Variants in SLC24A2 observed in about 807,000 individuals in gnomAD.
The protein encoded by SLC24A2 is solute carrier family 24 member 2.
Under a neutral mutation model 62.0 loss-of-function variants are expected in SLC24A2, and 36 were observed. The ratio of observed to expected loss-of-function variants is 0.58; its 90% confidence interval spans 0.44 to 0.77. SLC24A2 has a LOEUF of 0.77. SLC24A2 is among the 30% of genes least tolerant of loss of function. The pLI is 0.00. For synonymous variants in SLC24A2, 358 were observed against 294.0 expected, an observed-to-expected ratio of 1.22 and a Z score of -2.23; for missense variants, 846 against 817.9, an observed-to-expected ratio of 1.03 and a Z score of -0.42.
chr9:20,169,188 G>A, the SLC24A2 span, among the ~76,000 whole-genome samples: 1 of 151,922 alleles, frequency 6.6e-6, no homozygotes, highest in Non-Finnish European at 1.5e-5. Flanking sequence ...AGATAATCAG[G>A]GGCTGAGAAG....
intron 2 of SLC24A2, among the ~76,000 whole-genome samples, chr9:19,678,969 C>T (rs1819635069): frequency 6.6e-6 from 1 of 152,188 alleles, no homozygotes; most frequent in African/African-American, 2.4e-5. Flanking sequence ...GAAAGTAAAA[C>T]TTATACAACT....
the SLC24A2 span, among the ~76,000 whole-genome samples, chr9:20,160,601 A>G: frequency 2.6e-5 from 4 of 151,390 alleles, no homozygotes; most frequent in Non-Finnish European, 5.9e-5. Context: ...TTAACTATCA[A>G]TTATTAATAA....
chr9:19,511,779 C>G lies in SLC24A2; in HGVS notation c.*4374G>C, dbSNP rs1832725315. 6.6e-6 allele frequency: 1 copy of G among 152,194 alleles called. No individual in the cohort carries two copies. Among genetic ancestry groups the G allele is most frequent in the Admixed American group, 6.5e-5 (1 of 15,274 alleles). The allele number at this position is 152,194 out of a possible 1,614,324, so 9.4% of individuals were successfully genotyped here. A position where few individuals can be genotyped will look rare whatever the true frequency, so the allele number is the denominator to read the frequency against. The stretch of plus-strand genomic sequence containing the variant: ...CAGCTTCACTTTGTTTCTTCTGGAA[C>G]ACAGCTGCCACCTATAATAGGGCCA... On this transcript the variant is annotated 3_prime_UTR_variant, in exon 11 of 11. Transcript: ENST00000341998.
intron 7 of SLC24A2, among the ~76,000 whole-genome samples, chr9:19,562,168 T>C (rs946876452): frequency 1.5e-4 from 23 of 152,216 alleles, no homozygotes; most frequent in African/African-American, 5.3e-4. Flanking sequence ...GTTGTTTTCA[T>C]GGGCTTTGTA....
intron 1 of SLC24A2, chr9:19,788,476 C>A: frequency 1.0e-6 from 1 of 984,052 alleles, no homozygotes; most frequent in Non-Finnish European, 1.2e-6. Context: ...TTGCGTGGTC[C>A]CAAACTTTCC....
chr9:19,576,679 T>C lies in SLC24A2; in HGVS notation c.1228+245A>G, dbSNP rs138733286. On this transcript the variant is annotated intron_variant, in intron 6 of 10. Transcript: ENST00000341998. ...ATGACTAGTTAAGAGATGGTTTTAC[T>C]TCAGGTTCCTCAGAGAATAAATTTA... 3.3e-5 allele frequency among the ~76,000 whole-genome samples: 5 copies of C among 152,330 alleles called. No individual in the cohort carries two copies. In the East Asian group the frequency reaches 7.7e-4, roughly 24 times the overall value.
chr9:19,571,940 C>G (rs1350384797), intron 7 of SLC24A2, among the ~76,000 whole-genome samples: 3 of 152,122 alleles, frequency 2.0e-5, no homozygotes, highest in African/African-American at 7.2e-5. Context: ...CAATTAACTA[C>G]TTCATCTCAC....
At chr9:20,264,543 C>A in the SLC24A2 span, among the ~76,000 whole-genome samples, 1 of 152,198 alleles carries the variant, frequency 6.6e-6, no homozygotes. Flanking sequence ...GTATCAAACA[C>A]AATTGGCATT....
chr9:20,136,347 G>A, the SLC24A2 span, among the ~76,000 whole-genome samples: 1 of 152,130 alleles, frequency 6.6e-6, no homozygotes, highest in Admixed American at 6.6e-5. Context: ...AAGAAAGAGG[G>A]AAACTGAGAC....
At chr9:19,543,916 G>T (rs1834413164) in intron 8 of SLC24A2, among the ~76,000 whole-genome samples, 1 of 152,138 alleles carries the variant, frequency 6.6e-6, no homozygotes, top group South Asian at 2.1e-4. Flanking sequence ...TCTGATTTGG[G>T]GTAGAGAGTT....
chr9:19,529,071 T>G (rs979148194), intron 8 of SLC24A2, among the ~76,000 whole-genome samples: 1 of 152,188 alleles, frequency 6.6e-6, no homozygotes, highest in Admixed American at 6.5e-5. Context: ...TGGGGTCTTT[T>G]AAAAACACAC....
the SLC24A2 span, among the ~76,000 whole-genome samples, chr9:19,875,755 A>G: frequency 6.6e-6 from 1 of 152,188 alleles, no homozygotes; most frequent in Non-Finnish European, 1.5e-5. Flanking sequence ...AGGAATGATG[A>G]ACAGCTGCCA....
the SLC24A2 span, among the ~76,000 whole-genome samples, chr9:19,832,778 G>T: frequency 6.6e-6 from 1 of 152,130 alleles, no homozygotes; most frequent in Non-Finnish European, 1.5e-5. Context: ...GCACAGAAAA[G>T]AAACTACCAT....
chr9:20,267,416 G>A, the SLC24A2 span, among the ~76,000 whole-genome samples: 3 of 152,280 alleles, frequency 2.0e-5, no homozygotes, highest in East Asian at 1.9e-4. Context: ...GAATGCTGGC[G>A]TCTCCTAGTG....
chr9:19,815,959 C>CCAT, the SLC24A2 span, among the ~76,000 whole-genome samples: 1 of 103,462 alleles, frequency 9.7e-6, no homozygotes, highest in African/African-American at 3.5e-5. Flanking sequence ...TTTTTTGCCC[C>CCAT]TTTTTTTTTT....
chr9:19,995,776 T>C, the SLC24A2 span, among the ~76,000 whole-genome samples: 2 of 152,236 alleles, frequency 1.3e-5, no homozygotes, highest in East Asian at 3.8e-4. Context: ...ATCTAGGCAG[T>C]GCACCCCAGC....
chr9:20,019,891 C>A, the SLC24A2 span, among the ~76,000 whole-genome samples: 48 of 139,956 alleles, frequency 3.4e-4, no homozygotes, highest in African/African-American at 7.1e-4. Flanking sequence ...AAAAAAAAAA[C>A]CACCAAAAAG....
At chr9:19,977,913 C>T in the SLC24A2 span, among the ~76,000 whole-genome samples, 2 of 152,108 alleles carry the variant, frequency 1.3e-5, no homozygotes, top group Non-Finnish European at 2.9e-5. Flanking sequence ...GACCATGTTC[C>T]TGGGATAATG....
chr9:19,734,289 C>G (rs555938604), intron 2 of SLC24A2, among the ~76,000 whole-genome samples: 2 of 152,084 alleles, frequency 1.3e-5, no homozygotes, highest in African/African-American at 4.8e-5. Context: ...GTTACTGTAG[C>G]CTTGTAGTAT....
Sources: gnomAD v4.1 joint callset for allele counts (sites outside exome capture counted in the v4.1 genomes callset) on GRCh38, gnomAD v4.1.1 for gene constraint, MANE v1.5 for transcripts, NCBI Gene and HGNC (gene_info 2026-07-23, HGNC 2026-07-21) for gene names.